TNRC6A: variants seen among roughly 807,000 people sequenced by gnomAD.
TNRC6A encodes trinucleotide repeat-containing gene 6A protein.
Under a neutral mutation model 221.2 loss-of-function variants are expected in TNRC6A, and 44 were observed. That is an observed-to-expected ratio of 0.20 (90% CI 0.16 to 0.26). TNRC6A has a LOEUF of 0.26. Ranked by LOEUF, TNRC6A falls within the 10% of genes least tolerant of loss-of-function variation. TNRC6A has a pLI of 1.00. For missense variants in TNRC6A, 2,199 were observed against 2,404.4 expected (o/e 0.91, Z 1.79); for synonymous variants, 847 against 838.5 (o/e 1.01, Z -0.18).
chr16:24,789,468 A>G lies in TNRC6A; in HGVS notation c.826A>G (p.Thr276Ala), dbSNP rs772761057. The G allele has an allele frequency of 7.4e-6, 12 of 1,614,106 alleles. No homozygotes were observed. The highest frequency in any genetic ancestry group is 3.3e-4 in the Middle Eastern group (2 of 6,084). The change falls in exon 6 of 25, where the codon ACA becomes GCA. Residue 276 changes from threonine to alanine, a missense_variant. Thr to Ala is a moderately conservative substitution (Grantham distance 58). This residue lies in a region of TNRC6A where 1,405 missense variants were observed against 1,400.2 expected (regional missense o/e 1.00). Transcript: ENST00000395799. ...RNITIMASGN[T>A]GGEKDGLRNS... ...CATCACTATCATGGCTTCAGGGAAC[A>G]CAGGTGGTGAAAAAGATGGCCTTCG...
At chr16:24,666,654 A>ATAT (rs2055171153) in intron 2 of TNRC6A, among the ~76,000 whole-genome samples, 1 of 124,880 alleles carries the variant, frequency 8.0e-6, no homozygotes, top group African/African-American at 3.3e-5. Context: ...AAAAAAAAAA[A>ATAT]AAAAAAAAAA....
rs2057745656 is a variant in TNRC6A at position 24,777,263 on chromosome 16, C to T, written c.494C>T (p.Ala165Val). ...FPVIAANLGS[A>V]VKVLNSQSES... is the part of the protein sequence containing the mutation. ...GTTATAGCAGCAAACCTTGGATCTGCTGTTAAGGTGTTAAACAGCCAGTCA... is the reference window on the plus strand; with the variant it reads ...GTTATAGCAGCAAACCTTGGATCTGTTGTTAAGGTGTTAAACAGCCAGTCA... The change falls in exon 5 of 25, where the codon GCT (alanine) becomes GTT (valine). Residue 165 changes from alanine to valine, a missense_variant. Around this residue, in one of 8 missense-constraint regions of TNRC6A, gnomAD observed 1,405 missense variants for 1,400.2 expected, o/e 1.00. Transcript: ENST00000395799. The T allele has an allele frequency of 1.1e-5, 17 of 1,614,174 alleles. No individual in the cohort carries two copies. Among genetic ancestry groups the T allele is most frequent in the Non-Finnish European group, 1.4e-5 (17 of 1,180,028 alleles).
intron 2 of TNRC6A, among the ~76,000 whole-genome samples, chr16:24,645,694 T>C (rs1333807746): frequency 1.3e-5 from 2 of 150,650 alleles, no homozygotes; most frequent in African/African-American, 2.4e-5. Flanking sequence ...ATACTGGTGA[T>C]TACCATTAAA....
At position 24,642,831 on chromosome 16, in the gene TNRC6A, C is replaced by T. The variant is rs1902023244; in HGVS notation, n.402+1822C>T. On this transcript the variant is annotated intron_variant and non_coding_transcript_variant, in intron 2 of 2. Transcript: ENST00000566108. ...GAGACTCCATCTCACTGGCTTGAGG[C>T]CAGGTGTTCAAGACCAGCCTAGGCA... 2.0e-5 allele frequency among the ~76,000 whole-genome samples: 3 copies of T among 151,584 alleles called. No homozygotes were observed. In the South Asian group the frequency reaches 6.2e-4, roughly 32 times the overall value.
intron 11 of TNRC6A, among the ~76,000 whole-genome samples, chr16:24,799,077 C>T (rs932875040): frequency 3.2e-4 from 49 of 152,202 alleles, no homozygotes; most frequent in African/African-American, 1.1e-3. Flanking sequence ...TAGATGCTGC[C>T]AACCACTGGC....
At position 24,812,630 on chromosome 16, in the gene TNRC6A, AACAC is replaced by A. The variant is rs1288907457; in HGVS notation, c.4673-2514_4673-2511del. 2.0e-5 allele frequency among the ~76,000 whole-genome samples: 3 copies of A among 152,298 alleles called. No individual in the cohort carries two copies. The East Asian group carries it at 5.8e-4, about 29-fold the overall frequency. Reference sequence around the variant, plus strand: ...AGTTGCCTACATTACTCAGTACAGTAACACACTGTAGGTTTGTAGCCTAGGAGCA... The same window carrying A: ...AGTTGCCTACATTACTCAGTACAGTAACTGTAGGTTTGTAGCCTAGGAGCA... On this transcript the variant is annotated intron_variant, in intron 18 of 24. Transcript: ENST00000395799.
At chr16:24,771,392 C>A (rs941059982) in intron 4 of TNRC6A, among the ~76,000 whole-genome samples, 19 of 152,056 alleles carry the variant, frequency 1.2e-4, no homozygotes, top group African/African-American at 4.3e-4. Context: ...AGATTTGAAT[C>A]CATCCAGTCT....
chr16:24,777,247 G>A lies in TNRC6A; in HGVS notation c.478G>A (p.Ala160Thr). ...KRGQHFPVIA[A>T]NLGSAVKVLN... ...GGGTCAGCATTTTCCTGTTATAGCA[G>A]CAAACCTTGGATCTGCTGTTAAGGT... The change falls in exon 5 of 25, where the codon GCA becomes ACA. Residue 160 changes from alanine to threonine, a missense_variant. This residue lies in a region of TNRC6A where 1,405 missense variants were observed against 1,400.2 expected (regional missense o/e 1.00). Coordinates refer to ENST00000395799, the MANE Select transcript of TNRC6A (RefSeq NM_014494.4). The A allele has an allele frequency of 1.2e-6, 2 of 1,614,182 alleles. No individual in the cohort carries two copies. The highest frequency in any genetic ancestry group is 1.7e-6 in the Non-Finnish European group (2 of 1,180,042).
At chr16:24,771,676 T>C (rs1304163244) in intron 4 of TNRC6A, among the ~76,000 whole-genome samples, 1 of 152,052 alleles carries the variant, frequency 6.6e-6, no homozygotes, top group Non-Finnish European at 1.5e-5. Flanking sequence ...CTTGAACTTT[T>C]TGGCTCAAGC....
At position 24,820,253 on chromosome 16, in the gene TNRC6A, G is replaced by T; in HGVS notation, c.5195G>T (p.Arg1732Leu). Residue 1732 changes from arginine (R) to leucine (L), a missense_variant, in exon 22 of 25, where the codon CGC becomes CTC. Arg to Leu is a moderately radical substitution (Grantham distance 102). Around this residue, in one of 8 missense-constraint regions of TNRC6A, gnomAD observed 449 missense variants for 579.7 expected, o/e 0.77. Coordinates refer to ENST00000395799, the MANE Select transcript of TNRC6A (RefSeq NM_014494.4). ...CCTAAAAACATCACTGCTCCGTCCC[G>T]CCCACCTCCGGGACTGACTGGTCAG... ...LPPKNITAPS[R>L]PPPGLTGQKP... The T allele has an allele frequency of 6.2e-7, 1 of 1,614,048 alleles. No homozygotes were observed. The highest frequency in any genetic ancestry group is 8.5e-7 in the Non-Finnish European group (1 of 1,180,006).
Position 24,798,042 on chromosome 16 carries a change from C to T in TNRC6A, c.3694+76C>T, listed in dbSNP as rs1422876306. The T allele has an allele frequency of 1.1e-5, 14 of 1,333,322 alleles. No homozygotes were observed. The South Asian group carries it at 1.6e-4, about 15-fold the overall frequency. 82.6% of individuals were successfully genotyped at this position (1,333,322 alleles called of 1,614,324 possible). A position where few individuals can be genotyped will look rare whatever the true frequency, so the allele number is the denominator to read the frequency against. The stretch of plus-strand genomic sequence containing the variant: ...CCATGACATGATTCTACTGAAAGAG[C>T]CCTGACGTAGATCAGGACAGGGGAG... On this transcript the variant is annotated intron_variant, in intron 11 of 24. Coordinates refer to ENST00000395799, the MANE Select transcript of TNRC6A (RefSeq NM_014494.4).
rs181838121 is a variant in TNRC6A at position 24,716,773 on chromosome 16, C to G, written n.403-33953C>G. ...AAGAGATAGAGACCATCCTGGCCAACATGGTGAAACCCCGTCTCTACGAAA... is the reference window on the plus strand; with the variant it reads ...AAGAGATAGAGACCATCCTGGCCAAGATGGTGAAACCCCGTCTCTACGAAA... On this transcript the variant is annotated intron_variant and non_coding_transcript_variant, in intron 2 of 2. Transcript: ENST00000566108. Among the ~76,000 whole-genome samples, 256 of 151,768 alleles carry G rather than the reference C, an allele frequency of 1.7e-3. 1 individual carries two copies. The highest frequency in any genetic ancestry group is 2.9e-3 in the Non-Finnish European group (199 of 67,922).
rs550049591 is a variant in TNRC6A, at chr16:24,714,741, A to C, written n.403-35985A>C. Among the ~76,000 whole-genome samples, 11 of 152,140 alleles carry C rather than the reference A, an allele frequency of 7.2e-5. No individual in the cohort carries two copies. In the South Asian group the frequency reaches 2.1e-3, roughly 29 times the overall value. The stretch of plus-strand genomic sequence containing the variant: ...TTTAGGATATATGAAATACAGCTCT[A>C]ATAACTGTCTTGATGTCCTTTTCTT... On this transcript the variant is annotated intron_variant and non_coding_transcript_variant, in intron 2 of 2. Transcript: ENST00000566108.
chr16:24,673,810 G>A (rs546490265), intron 2 of TNRC6A, among the ~76,000 whole-genome samples: 375 of 152,208 alleles, frequency 2.5e-3, no homozygotes, highest in African/African-American at 8.4e-3. Flanking sequence ...TACCCACTTC[G>A]GCCTCCCAGA....
At chr16:24,719,668 A>T (rs1034541870) in intron 2 of TNRC6A, among the ~76,000 whole-genome samples, 3 of 151,870 alleles carry the variant, frequency 2.0e-5, no homozygotes, top group South Asian at 2.1e-4. Flanking sequence ...CAAAAAAATT[A>T]AAAAAATAAA....
At chr16:24,735,243 C>T (rs370648712) in intron 2 of TNRC6A, among the ~76,000 whole-genome samples, 1 of 152,130 alleles carries the variant, frequency 6.6e-6, no homozygotes, top group Non-Finnish European at 1.5e-5. Flanking sequence ...TGTGCCACTG[C>T]GCTCCAGCCT....
chr16:24,822,723 C>T, intron 23 of TNRC6A, 151 bp from the exon 24 acceptor site: 1 of 1,092,626 alleles, frequency 9.2e-7, no homozygotes, highest in African/African-American at 1.6e-5. Flanking sequence ...GCTCTGCACC[C>T]CGTCAGAGCA....
chr16:24,753,195 G>C (rs778394580), intron 3 of TNRC6A, among the ~76,000 whole-genome samples: 2 of 152,186 alleles, frequency 1.3e-5, no homozygotes, highest in South Asian at 2.1e-4. Flanking sequence ...TGAAGTGACA[G>C]CTTTTCATAC....
chr16:24,670,898 C>A (rs774431198), intron 2 of TNRC6A: 5 of 272,600 alleles, frequency 1.8e-5, no homozygotes, highest in Non-Finnish European at 4.0e-5. Flanking sequence ...TCACCTCCCC[C>A]ACTCCCGCCA....
Sources: allele counts gnomAD v4.1 joint callset (sites outside exome capture counted in the v4.1 genomes callset), GRCh38; gene constraint gnomAD v4.1.1; regional missense constraint gnomAD v4.1.1; transcripts MANE v1.5; gene names NCBI Gene and HGNC (gene_info 2026-07-23, HGNC 2026-07-21).